Variants in PROKR1 observed in about 807,000 individuals in gnomAD.
PROKR1 encodes the protein G protein-coupled receptor 73.
PROKR1 carries 21 observed loss-of-function variants against 22.8 expected under a neutral mutation model. The observed-to-expected ratio is 0.92, with a 90% confidence interval of 0.65 to 1.32. PROKR1 has a LOEUF of 1.32. Among genes scored for constraint, PROKR1 ranks in the 40% most tolerant of loss-of-function variants. PROKR1 has a pLI of 0.00. For missense variants in PROKR1, 548 were observed against 514.2 expected (o/e 1.07, Z -0.64); for synonymous variants, 193 against 207.5 (o/e 0.93, Z 0.60).
Position 68,655,156 on chromosome 2 carries a change from G to A in PROKR1, c.762G>A (p.Arg254=). ...PVVTMTLCYA[R]ISRELWFKAV... ...TCACCATGACCCTGTGCTATGCCAG[G>A]ATCTCCCGGGAGCTCTGGTTCAAGG... Residue 254 remains arginine (R), a synonymous_variant, in exon 3 of 3, where the codon AGG becomes AGA. Transcript: ENST00000303786. The A allele has an allele frequency of 6.2e-7, 1 of 1,614,222 alleles. No homozygotes were observed.
Position 68,646,027 on chromosome 2 carries a change from T to TG in PROKR1, c.208dup (p.Val70GlyfsTer39). The TG allele has an allele frequency of 6.2e-7, 1 of 1,614,282 alleles. No individual in the cohort carries two copies. The highest frequency in any genetic ancestry group is 8.5e-7 in the Non-Finnish European group (1 of 1,180,058). On this transcript the variant is annotated frameshift_variant, in exon 2 of 3. Transcript: ENST00000303786. LOFTEE classifies it high-confidence loss of function. The stretch of plus-strand genomic sequence containing the variant: ...GCCAAGATTGTCATTGGGATGGCCC[T>TG]GGTGGGCATCATGCTGGTCTGCGGC...
chr2:68,655,297 C>T lies in PROKR1; in HGVS notation c.903C>T (p.Tyr301=), dbSNP rs374654942. The T allele has an allele frequency of 5.0e-6, 8 of 1,614,152 alleles. No homozygotes were observed. The African/African-American group carries it at 9.3e-5, about 19-fold the overall frequency. The change falls in exon 3 of 3, where the codon TAC becomes TAT. Residue 301 remains tyrosine (Y), a synonymous_variant. Transcript: ENST00000303786. ...ACGTGCTATGCTGGGCGCCCTTCTACGGCTTCACCATCGTGCGCGACTTCT... is the reference window on the plus strand; with the variant it reads ...ACGTGCTATGCTGGGCGCCCTTCTATGGCTTCACCATCGTGCGCGACTTCT... ...TAYVLCWAPF[Y]GFTIVRDFFP...
intron 2 of PROKR1, among the ~76,000 whole-genome samples, chr2:68,650,842 C>T (rs938830527): frequency 1.3e-5 from 2 of 152,026 alleles, no homozygotes; most frequent in Non-Finnish European, 2.9e-5. Context: ...TCTAACTGTC[C>T]TTCAACAAAT....
intron 2 of PROKR1, among the ~76,000 whole-genome samples, chr2:68,649,802 A>G (rs1253294253): frequency 6.6e-6 from 1 of 152,072 alleles, no homozygotes; most frequent in Non-Finnish European, 1.5e-5. Context: ...AGCATCCCAG[A>G]CAAGGGGGAT....
intron 2 of PROKR1, chr2:68,649,428 T>C (rs1210325972): frequency 6.6e-6 from 1 of 152,196 alleles, no homozygotes; most frequent in Admixed American, 6.5e-5. Flanking sequence ...TGACAATCCA[T>C]CCTAAACTTT....
intron 2 of PROKR1, among the ~76,000 whole-genome samples, chr2:68,652,428 G>A (rs1195530375): frequency 6.6e-6 from 1 of 152,182 alleles, no homozygotes; most frequent in African/African-American, 2.4e-5. Context: ...AAATATATCA[G>A]GAAGGCCTCT....
At position 68,655,050 on chromosome 2, in the gene PROKR1, A is replaced by C. The variant is rs1415531448; in HGVS notation, c.656A>C (p.Gln219Pro). The C allele has an allele frequency of 6.2e-7, 1 of 1,613,374 alleles. No homozygotes were observed. Among genetic ancestry groups the C allele is most frequent in the East Asian group, 2.2e-5 (1 of 44,806 alleles). ...AGCCAGGAAAAGATCTTCTGCGGCC[A>C]GATCTGGCCTGTGGACCAGCAGCTC... ...VKSQEKIFCG[Q>P]IWPVDQQLYY... Residue 219 changes from glutamine (Q) to proline (P), a missense_variant, in exon 3 of 3, where the codon CAG (glutamine) becomes CCG (proline). By Grantham distance (76) the Gln-to-Pro change is moderately conservative (BLOSUM62 -1). Transcript: ENST00000303786.
chr2:68,652,240 G>C (rs1431778007), intron 2 of PROKR1, among the ~76,000 whole-genome samples: 1 of 152,164 alleles, frequency 6.6e-6, no homozygotes, highest in Non-Finnish European at 1.5e-5. Context: ...TACCTATTTA[G>C]TAGGGTTGGA....
chr2:68,653,256 G>A (rs1324814637), intron 2 of PROKR1, among the ~76,000 whole-genome samples: 2 of 152,128 alleles, frequency 1.3e-5, no homozygotes, highest in East Asian at 3.9e-4. Flanking sequence ...AGAGTGCCAG[G>A]GATGGCAGTC....
At position 68,643,719 on chromosome 2, in the gene PROKR1, G is replaced by C. The variant is rs1673116124; in HGVS notation, c.-290G>C. 6.6e-6 allele frequency: 1 copy of C among 152,304 alleles called. No homozygotes were observed. Among genetic ancestry groups the C allele is most frequent in the Non-Finnish European group, 1.5e-5 (1 of 68,088 alleles). 9.4% of individuals were successfully genotyped at this position (152,304 alleles called of 1,614,324 possible). On this transcript the variant is annotated 5_prime_UTR_variant, in exon 1 of 3. Transcript: ENST00000303786. ...TAACTCCCCCGCCAGAGCCGGGAAAGAGCCCCGAGCAGAGGAGGAAGGGAG... is the reference window on the plus strand; with the variant it reads ...TAACTCCCCCGCCAGAGCCGGGAAACAGCCCCGAGCAGAGGAGGAAGGGAG...
intron 2 of PROKR1, among the ~76,000 whole-genome samples, chr2:68,652,510 A>G (rs533000735): frequency 2.0e-5 from 3 of 152,318 alleles, no homozygotes; most frequent in African/African-American, 7.2e-5. Flanking sequence ...TGAAATGACT[A>G]TCTGATAGGT....
At position 68,655,724 on chromosome 2, in the gene PROKR1, CAG is replaced by C; in HGVS notation, c.*151_*152del. On this transcript the variant is annotated 3_prime_UTR_variant, in exon 3 of 3. Transcript: ENST00000303786. Reference sequence around the variant, plus strand: ...CTGTGAGCAATGTTTTCAAGGAGCTCAGAGTTTCTAAAATGCATGTGACCAGA... The same window carrying C: ...CTGTGAGCAATGTTTTCAAGGAGCTCAGTTTCTAAAATGCATGTGACCAGA... 3 of 773,662 alleles carry C rather than the reference CAG, an allele frequency of 3.9e-6. No individual in the cohort carries two copies. The Admixed American group carries it at 6.8e-5, about 18-fold the overall frequency. The allele number at this position is 773,662 out of a possible 1,614,324, so 47.9% of individuals were successfully genotyped here. A position where few individuals can be genotyped will look rare whatever the true frequency, so the allele number is the denominator to read the frequency against.
rs1415769770 is a variant in PROKR1 at position 68,657,632 on chromosome 2, A to G, written c.*2056A>G. On this transcript the variant is annotated 3_prime_UTR_variant, in exon 3 of 3. Coordinates refer to ENST00000303786, the MANE Select transcript of PROKR1 (RefSeq NM_138964.4). ...TCTGTTTTTATTCTCACGAGTGTGT[A>G]GGCTACAGCGTGGACTTGTCTTTTT... 6.6e-6 allele frequency: 1 copy of G among 152,226 alleles called. No homozygotes were observed. The highest frequency in any genetic ancestry group is 1.5e-5 in the Non-Finnish European group (1 of 68,054). The allele number at this position is 152,226 out of a possible 1,614,324, so 9.4% of individuals were successfully genotyped here.
At position 68,646,075 on chromosome 2, in the gene PROKR1, CT is replaced by C. The variant is rs1263874449; in HGVS notation, c.255del (p.Ala86ProfsTer85). On this transcript the variant is annotated frameshift_variant, in exon 2 of 3. Coordinates refer to ENST00000303786, the MANE Select transcript of PROKR1 (RefSeq NM_138964.4). LOFTEE classifies it high-confidence loss of function. ...GGCATTGGAAACTTCATCTTTATCG[CT>C]GCCCTGGTCCGCTACAAGAAACTGC... ...VCGIGNFIFIAALVRYKKLRN... is the reference protein window; with the variant it reads ...VCGIGNFIFIXALVRYKKLRN... 6.2e-7 allele frequency: 1 copy of C among 1,614,154 alleles called. No homozygotes were observed. Among genetic ancestry groups the C allele is most frequent in the South Asian group, 1.1e-5 (1 of 91,082 alleles).
chr2:68,645,221 C>G (rs980345499), intron 1 of PROKR1, among the ~76,000 whole-genome samples: 1 of 152,194 alleles, frequency 6.6e-6, no homozygotes, highest in Non-Finnish European at 1.5e-5. Context: ...AATGTGGGAA[C>G]AGGAAGTCCA....
chr2:68,647,572 T>A (rs1673214915), intron 2 of PROKR1, among the ~76,000 whole-genome samples: 1 of 152,154 alleles, frequency 6.6e-6, no homozygotes, highest in Admixed American at 6.5e-5. Context: ...AGAGCTTGTT[T>A]TCTGAGACCG....
At chr2:68,650,573 A>T (rs934341139) in intron 2 of PROKR1, among the ~76,000 whole-genome samples, 3 of 152,070 alleles carry the variant, frequency 2.0e-5, no homozygotes, top group African/African-American at 7.2e-5. Flanking sequence ...TAGGCACTCA[A>T]TGAGGGTGAA....
At chr2:68,645,131 G>A (rs138023982) in intron 1 of PROKR1, among the ~76,000 whole-genome samples, 9 of 152,332 alleles carry the variant, frequency 5.9e-5, no homozygotes, top group African/African-American at 2.2e-4. Flanking sequence ...GTCACAGGCT[G>A]TGACTTTACC....
rs780666798 is a variant in PROKR1, at chr2:68,645,661, G to T, written c.-160-1G>T. ...GCCAACTGTTTGTATGTCTTTCAAA[G>T]GTTTAGAATGGAGCTCAGATACCAT... is the stretch of plus-strand genomic sequence containing the variant. On this transcript the variant is annotated splice_acceptor_variant, in intron 1 of 2. Coordinates refer to ENST00000303786, the MANE Select transcript of PROKR1 (RefSeq NM_138964.4). LOFTEE classifies it low-confidence loss of function (5UTR_SPLICE). 2.0e-6 allele frequency: 2 copies of T among 1,023,930 alleles called. No homozygotes were observed. The highest frequency in any genetic ancestry group is 2.5e-5 in the East Asian group (1 of 39,812). 63.4% of individuals were successfully genotyped at this position (1,023,930 alleles called of 1,614,324 possible). A position where few individuals can be genotyped will look rare whatever the true frequency, so the allele number is the denominator to read the frequency against.
Sources: allele counts gnomAD v4.1 joint callset (sites outside exome capture counted in the v4.1 genomes callset), GRCh38; gene constraint gnomAD v4.1.1; transcripts MANE v1.5; gene names NCBI Gene and HGNC (gene_info 2026-07-23, HGNC 2026-07-21).